RNLS: variants seen among roughly 807,000 people sequenced by gnomAD.
RNLS encodes the protein renalase, FAD dependent amine oxidase, also known as renalase.
RNLS carries 39 observed loss-of-function variants against 39.8 expected under a neutral mutation model. The observed-to-expected ratio is 0.98, with a 90% CI of 0.76 to 1.28. The LOEUF (loss-of-function observed/expected upper bound fraction) is 1.28, where lower values mean the gene tolerates loss of function less well. Among genes scored for constraint, RNLS ranks in the 50% most tolerant of loss-of-function variants. The pLI is 0.00. For missense variants in RNLS, 410 were observed against 413.3 expected (o/e 0.99, Z 0.07); for synonymous variants, 147 against 150.7 (o/e 0.98, Z 0.18).
At chr10:88,564,316 TACACACACACACAC>T (rs5786827) in intron 4 of RNLS, among the ~76,000 whole-genome samples, 13 of 148,922 alleles carry the variant, frequency 8.7e-5, no homozygotes, top group Admixed American at 4.7e-4. Context: ...TGACTGCAAA[TACACACACACACAC>T]ACACACACAC....
At chr10:88,290,470 C>A (rs925013147) in intron 6 of RNLS, among the ~76,000 whole-genome samples, 1 of 152,182 alleles carries the variant, frequency 6.6e-6, no homozygotes, top group African/African-American at 2.4e-5. Context: ...TCCTCACTTA[C>A]ACCATGAATG....
At chr10:88,381,628 A>G (rs1168332845) in intron 4 of RNLS, among the ~76,000 whole-genome samples, 1 of 152,008 alleles carries the variant, frequency 6.6e-6, no homozygotes, top group Non-Finnish European at 1.5e-5. Flanking sequence ...TGAATTATAG[A>G]TTACACTAGG....
chr10:88,367,239 C>T (rs922058201), intron 4 of RNLS, among the ~76,000 whole-genome samples: 3 of 152,108 alleles, frequency 2.0e-5, no homozygotes, highest in Non-Finnish European at 2.9e-5. Flanking sequence ...CAGGCACTCT[C>T]TTCCTGCTGC....
intron 6 of RNLS, among the ~76,000 whole-genome samples, chr10:88,308,452 C>A (rs544739681): frequency 2.5e-4 from 37 of 149,874 alleles, no homozygotes; most frequent in South Asian, 6.4e-4. Flanking sequence ...AAAAAAAAAA[C>A]CCCATTAACA....
the RNLS span, among the ~76,000 whole-genome samples, chr10:88,195,059 T>A: frequency 6.6e-6 from 1 of 152,184 alleles, no homozygotes; most frequent in African/African-American, 2.4e-5. Flanking sequence ...GGGTGTTGGA[T>A]CCAAATTCCC....
At chr10:88,243,942 CG>C in the RNLS span, among the ~76,000 whole-genome samples, 1 of 152,212 alleles carries the variant, frequency 6.6e-6, no homozygotes, top group South Asian at 2.1e-4. Context: ...CCAGCAGCTG[CG>C]TTTGGCCTGG....
chr10:88,546,470 C>T (rs1848318521), intron 4 of RNLS, among the ~76,000 whole-genome samples: 1 of 151,970 alleles, frequency 6.6e-6, no homozygotes, highest in African/African-American at 2.4e-5. Context: ...ACAAAGAGTT[C>T]CCTGATTTAT....
At chr10:88,422,476 A>G (rs755972863) in intron 4 of RNLS, among the ~76,000 whole-genome samples, 1 of 152,188 alleles carries the variant, frequency 6.6e-6, no homozygotes, top group African/African-American at 2.4e-5. Flanking sequence ...TATTTCCTTT[A>G]ATGAAACAGG....
intron 5 of RNLS, among the ~76,000 whole-genome samples, chr10:88,323,728 T>G (rs1355290723): frequency 6.6e-6 from 1 of 151,964 alleles, no homozygotes; most frequent in Non-Finnish European, 1.5e-5. Flanking sequence ...CAAGAGCAAA[T>G]GTAACAAAAA....
the RNLS span, among the ~76,000 whole-genome samples, chr10:88,177,969 T>C: frequency 2.0e-4 from 30 of 152,196 alleles, no homozygotes; most frequent in Non-Finnish European, 4.3e-4. Context: ...GCATCCCTGC[T>C]GGAGGTGGCA....
At chr10:88,317,869 T>C (rs1845879384) in intron 5 of RNLS, among the ~76,000 whole-genome samples, 2 of 152,094 alleles carry the variant, frequency 1.3e-5, no homozygotes, top group African/African-American at 2.4e-5. Flanking sequence ...CCTGAGGAAC[T>C]CAGAACCCTG....
At chr10:88,358,342 G>GGT (rs1849361120) in intron 5 of RNLS, among the ~76,000 whole-genome samples, 1 of 152,164 alleles carries the variant, frequency 6.6e-6, no homozygotes, top group African/African-American at 2.4e-5. Context: ...AAGCATGAAA[G>GGT]GTGACATCAA....
chr10:88,438,307 T>C (rs1235508943), intron 4 of RNLS, among the ~76,000 whole-genome samples: 3 of 152,090 alleles, frequency 2.0e-5, no homozygotes, highest in African/African-American at 7.2e-5. Context: ...ACCTGGAGCA[T>C]GGTGACTTTA....
intron 4 of RNLS, among the ~76,000 whole-genome samples, chr10:88,416,801 A>G (rs1051445184): frequency 2.0e-5 from 3 of 152,104 alleles, no homozygotes; most frequent in African/African-American, 4.8e-5. Flanking sequence ...CAAATATCCT[A>G]TTGTCTTTTT....
chr10:88,249,216 C>T, the RNLS span, among the ~76,000 whole-genome samples: 1 of 152,182 alleles, frequency 6.6e-6, no homozygotes, highest in Non-Finnish European at 1.5e-5. Context: ...CCATTTTTAA[C>T]TCTTTTGGAA....
chr10:88,422,256 T>C (rs1290464722), intron 4 of RNLS, among the ~76,000 whole-genome samples: 13 of 152,234 alleles, frequency 8.5e-5, no homozygotes. Context: ...CTGCTAACAC[T>C]GCCTTATTCA....
chr10:88,404,316 T>C (rs974504079), intron 4 of RNLS, among the ~76,000 whole-genome samples: 1 of 152,074 alleles, frequency 6.6e-6, no homozygotes, highest in African/African-American at 2.4e-5. Context: ...CAAGAATCTT[T>C]GTGACCTGGG....
At chr10:88,203,311 T>C in the RNLS span, among the ~76,000 whole-genome samples, 149 of 6,518 alleles carry the variant, frequency 0.023, 29 homozygotes, top group African/African-American at 0.09. Context: ...TATATATATA[T>C]ACGTATGTAT....
chr10:88,573,897 T>C (rs370160081), intron 3 of RNLS, among the ~76,000 whole-genome samples: 2 of 152,136 alleles, frequency 1.3e-5, no homozygotes, highest in African/African-American at 4.8e-5. Context: ...TCCCAGCACT[T>C]TGGGAGGCTG....
Sources: allele counts gnomAD v4.1 joint callset (sites outside exome capture counted in the v4.1 genomes callset), GRCh38; gene constraint gnomAD v4.1.1; transcripts MANE v1.5; gene names NCBI Gene and HGNC (gene_info 2026-07-23, HGNC 2026-07-21).